The following PCDHA5 variants were observed in gnomAD, a reference collection of about 807,000 sequenced individuals.
PCDHA5 encodes protocadherin alpha 5, also known as protocadherin alpha-5.
In PCDHA5, 43 loss-of-function variants were observed where a neutral mutation model predicts 61.6. That is an observed-to-expected ratio of 0.70 (90% CI 0.55 to 0.90). PCDHA5 has a LOEUF of 0.90. Among genes scored for constraint, PCDHA5 ranks in the 40% least tolerant of loss-of-function variants. PCDHA5 has a pLI of 0.00. For missense variants in PCDHA5, 1,298 were observed against 1,222.7 expected (o/e 1.06, Z -0.92); for synonymous variants, 627 against 543.9 (o/e 1.15, Z -2.13).
chr5:141,009,724 T>C lies in PCDHA5; in HGVS notation c.2598T>C (p.Gly866=). ...KYGPGNPKQS[G]PGELPDKFII... The stretch of plus-strand genomic sequence containing the variant: ...GACCAGGCAACCCCAAACAATCCGG[T>C]CCCGGTGAGTTGCCCGACAAATTCA... Residue 866 remains glycine, a synonymous_variant, in exon 4 of 4, where the codon GGT becomes GGC. Transcript: ENST00000529859. 6.2e-7 allele frequency: 1 copy of C among 1,614,116 alleles called. No individual in the cohort carries two copies. Among genetic ancestry groups the C allele is most frequent in the South Asian group, 1.1e-5 (1 of 91,062 alleles).
intron 1 of PCDHA5, chr5:140,869,908 CGAGACGAAG>C: frequency 6.2e-7 from 1 of 1,610,646 alleles, no homozygotes; most frequent in Non-Finnish European, 8.5e-7. Context: ...CGCCACAGAC[CGAGACGAAG>C]GAGTCAATGG....
At position 140,869,552 on chromosome 5, in the gene PCDHA5, C is replaced by T. The variant is rs537127263; in HGVS notation, c.2352+45425C>T. ...ATTGCGGAATCTAAGCAATCGGACTCGCGTTTTCCACTAGAGGGAGCTTCT... is the reference window on the plus strand; with the variant it reads ...ATTGCGGAATCTAAGCAATCGGACTTGCGTTTTCCACTAGAGGGAGCTTCT... On this transcript the variant is annotated intron_variant, in intron 1 of 3. Transcript: ENST00000529859. 4 of 1,614,140 alleles carry T rather than the reference C, an allele frequency of 2.5e-6. No homozygotes were observed. In the East Asian group the frequency reaches 6.7e-5, roughly 27 times the overall value.
chr5:141,009,452 TAAAC>T (rs1226554195), intron 3 of PCDHA5, among the ~76,000 whole-genome samples, 171 bp from the exon 4 acceptor site: 1 of 152,120 alleles, frequency 6.6e-6, no homozygotes, highest in Non-Finnish European at 1.5e-5. Flanking sequence ...TCAAAAAAAT[TAAAC>T]AAATAAATAA....
In PCDHA5 at chr5:140,823,268, TG is replaced by T; in HGVS notation, c.1496del (p.Gly499AlafsTer36). 6.2e-7 allele frequency: 1 copy of T among 1,607,684 alleles called. No individual in the cohort carries two copies. Among genetic ancestry groups the T allele is most frequent in the South Asian group, 1.1e-5 (1 of 90,660 alleles). ...LVSYSLVERR[V>X]GERPLSSYVS... ...TCCTACTCGCTGGTGGAGCGGCGGG[TG>T]GGCGAGCGCCCGCTGTCGAGTTACG... is the stretch of plus-strand genomic sequence containing the variant. On this transcript the variant is annotated frameshift_variant, in exon 1 of 4. Transcript: ENST00000529859. LOFTEE classifies it high-confidence loss of function.
chr5:140,990,871 G>GT, intron 3 of PCDHA5, among the ~76,000 whole-genome samples: 1 of 152,284 alleles, frequency 6.6e-6, no homozygotes, highest in East Asian at 1.9e-4. Context: ...TATTTTAAGT[G>GT]TATGTTCCAG....
rs2150360711 is a variant in PCDHA5, at chr5:140,843,464, C to A, written c.2352+19337C>A. ...GGTATCCAGCCTGCTGGTGCTCACG[C>A]TGCTGCTGTACACTGCGCTGCGGTG... On this transcript the variant is annotated intron_variant, in intron 1 of 3. Transcript: ENST00000529859. The A allele has an allele frequency of 1.4e-5, 22 of 1,595,942 alleles. 2 individuals are homozygous for A. In the African/African-American group the frequency reaches 3.0e-4, roughly 21 times the overall value.
rs1388292827 is a variant in PCDHA5, at chr5:140,857,492, G to A, written c.2352+33365G>A. On this transcript the variant is annotated intron_variant, in intron 1 of 3. Coordinates refer to ENST00000529859, the MANE Select transcript of PCDHA5 (RefSeq NM_018908.3). ...CTTCACGGTGTCTGCGTGGGACGCG[G>A]ACGCGCAGGAGAACGCCCTGGTGTC... 2 of 1,598,272 alleles carry A rather than the reference G, an allele frequency of 1.3e-6. No homozygotes were observed. The highest frequency in any genetic ancestry group is 1.7e-6 in the Non-Finnish European group (2 of 1,167,822).
At chr5:140,861,543 C>G (rs1554154929) in intron 1 of PCDHA5, 2 of 424,418 alleles carry the variant, frequency 4.7e-6, no homozygotes, top group East Asian at 7.1e-5. Flanking sequence ...CAGCATCCAC[C>G]TGGAAGTGAT....
intron 1 of PCDHA5, among the ~76,000 whole-genome samples, chr5:140,925,025 C>T (rs1180931899): frequency 6.6e-6 from 1 of 151,492 alleles, no homozygotes; most frequent in Non-Finnish European, 1.5e-5. Context: ...ATGGGAGGAT[C>T]GCTTGAGCCC....
rs2150125920 is a variant in PCDHA5, at chr5:140,823,452, C to T, written c.1677C>T (p.Asp559=). 1.2e-6 allele frequency: 2 copies of T among 1,613,440 alleles called. No individual in the cohort carries two copies. The highest frequency in any genetic ancestry group is 1.7e-4 in the Middle Eastern group (1 of 6,014). The change falls in exon 1 of 4, where the codon GAC becomes GAT. Residue 559 remains aspartate (D), a synonymous_variant. Coordinates refer to ENST00000529859, the MANE Select transcript of PCDHA5 (RefSeq NM_018908.3). ...AGGTGTTCGTGCTGGACGAGAACGA[C>T]AACGCGCCGGCGCTGCTGGTGCCTC... ...TLQVFVLDEN[D]NAPALLVPRV... is the part of the protein sequence containing the mutation.
chr5:140,982,340 G>C (rs1186327832), intron 2 of PCDHA5, 135 bp from the exon 3 acceptor site: 1 of 1,458,038 alleles, frequency 6.9e-7, no homozygotes, highest in East Asian at 2.5e-5. Flanking sequence ...AGCAGTAATT[G>C]CTTCAGTTCA....
At chr5:140,871,057 G>A (rs1554165044) in intron 1 of PCDHA5, 7 of 1,613,300 alleles carry the variant, frequency 4.3e-6, no homozygotes, top group Non-Finnish European at 5.9e-6. Flanking sequence ...ACTGGTGAAG[G>A]ATCACGGTGA....
At chr5:140,927,419 G>A (rs781883331) in intron 1 of PCDHA5, 1 of 1,614,140 alleles carries the variant, frequency 6.2e-7, no homozygotes, top group South Asian at 1.1e-5. Flanking sequence ...ATGGGATCGC[G>A]GGTTGACGGC....
chr5:140,869,210 C>T (rs781978731), intron 1 of PCDHA5: 2 of 1,613,814 alleles, frequency 1.2e-6, no homozygotes, highest in African/African-American at 2.7e-5. Context: ...TACTCCGTCT[C>T]GGAGGAGGCC....
In PCDHA5 at chr5:140,822,989, C is replaced by G; in HGVS notation, c.1214C>G (p.Ser405Trp). ...KLVSTFKNYY[S>W]LVLDSALDRE... Reference sequence around the variant, plus strand: ...GTGTCCACCTTCAAGAATTACTACTCGTTGGTGCTGGACAGCGCCCTGGAC... The same window carrying G: ...GTGTCCACCTTCAAGAATTACTACTGGTTGGTGCTGGACAGCGCCCTGGAC... The change falls in exon 1 of 4, where the codon TCG becomes TGG. Residue 405 changes from serine to tryptophan, a missense_variant. Coordinates refer to ENST00000529859, the MANE Select transcript of PCDHA5 (RefSeq NM_018908.3). 1 of 1,614,244 alleles carries G rather than the reference C, an allele frequency of 6.2e-7. No homozygotes were observed. Among genetic ancestry groups the G allele is most frequent in the Non-Finnish European group, 8.5e-7 (1 of 1,180,056 alleles).
At chr5:141,000,854 G>A (rs2097968530) in intron 3 of PCDHA5, among the ~76,000 whole-genome samples, 1 of 152,010 alleles carries the variant, frequency 6.6e-6, no homozygotes, top group Non-Finnish European at 1.5e-5. Flanking sequence ...CTGGCAGTCA[G>A]CCATGACCTC....
chr5:140,843,697 T>G, intron 1 of PCDHA5: 1 of 1,583,576 alleles, frequency 6.3e-7, no homozygotes, highest in Non-Finnish European at 8.7e-7. Flanking sequence ...AAGATTTAAA[T>G]GTTGATCATG....
chr5:140,871,358 A>T, intron 1 of PCDHA5: 6 of 1,614,208 alleles, frequency 3.7e-6, no homozygotes, highest in Non-Finnish European at 5.1e-6. Context: ...TACTCGCAGC[A>T]GAGGCGGCAG....
At position 140,890,629 on chromosome 5, in the gene PCDHA5, A is replaced by T. The variant is rs6883083; in HGVS notation, c.2352+66502A>T. On this transcript the variant is annotated intron_variant, in intron 1 of 3. Transcript: ENST00000529859. ...TAGTGCTTACCCTAGAAAATTAAGCATGTATCCTTGATATATCAAAATCAA... is the reference window on the plus strand; with the variant it reads ...TAGTGCTTACCCTAGAAAATTAAGCTTGTATCCTTGATATATCAAAATCAA... Among the ~76,000 whole-genome samples, 1,394 of 152,274 alleles carry T rather than the reference A, an allele frequency of 9.2e-3. 17 individuals are homozygous for T. Among genetic ancestry groups the T allele is most frequent in the African/African-American group, 0.032 (1,348 of 41,546 alleles).
Sources: allele counts gnomAD v4.1 joint callset (sites outside exome capture counted in the v4.1 genomes callset), GRCh38; gene constraint gnomAD v4.1.1; transcripts MANE v1.5; gene names NCBI Gene and HGNC (gene_info 2026-07-23, HGNC 2026-07-21).